The following CCBE1 variants were observed in gnomAD, a reference collection of about 807,000 sequenced individuals.
CCBE1 encodes collagen and calcium-binding EGF domain-containing protein 1.
Under a neutral mutation model 50.0 loss-of-function variants are expected in CCBE1, and 37 were observed. The observed-to-expected ratio is 0.74, with a 90% CI of 0.57 to 0.97. CCBE1 has a LOEUF of 0.97. CCBE1 is among the 50% of genes least tolerant of loss of function. CCBE1 has a pLI of 0.00. For missense variants in CCBE1, 538 were observed against 523.8 expected, an observed-to-expected ratio of 1.03 and a Z score of -0.26; for synonymous variants, 234 against 203.7, an observed-to-expected ratio of 1.15 and a Z score of -1.27.
At chr18:59,579,922 T>C (rs998278704) in intron 2 of CCBE1, among the ~76,000 whole-genome samples, 7 of 152,146 alleles carry the variant, frequency 4.6e-5, no homozygotes, top group African/African-American at 1.4e-4. Context: ...AAAAGATGCC[T>C]CTGGGATCTG....
intron 2 of CCBE1, among the ~76,000 whole-genome samples, chr18:59,527,268 T>C (rs1191071323): frequency 6.6e-6 from 1 of 152,236 alleles, no homozygotes; most frequent in African/African-American, 2.4e-5. Context: ...TGTCTTTTTT[T>C]CTTTTTTTAT....
intron 2 of CCBE1, among the ~76,000 whole-genome samples, chr18:59,540,986 G>C (rs12960196): frequency 0.068 from 10,404 of 152,244 alleles, 524 homozygotes; most frequent in East Asian, 0.16. Flanking sequence ...CCTAGAGGCA[G>C]GAAGAATCAC....
chr18:59,695,068 A>C (rs118134242), intron 2 of CCBE1, among the ~76,000 whole-genome samples: 1,569 of 152,328 alleles, frequency 0.01, 37 homozygotes, highest in Admixed American at 0.04. Context: ...TGGCATTAAC[A>C]AACAATCAGG....
At chr18:59,606,303 C>A (rs536194927) in intron 2 of CCBE1, among the ~76,000 whole-genome samples, 1 of 152,294 alleles carries the variant, frequency 6.6e-6, no homozygotes, top group South Asian at 2.1e-4. Context: ...GACACAGTGA[C>A]CCTTTCAGGG....
At chr18:59,501,716 G>A (rs991890173) in intron 2 of CCBE1, among the ~76,000 whole-genome samples, 2 of 152,144 alleles carry the variant, frequency 1.3e-5, no homozygotes, top group African/African-American at 4.8e-5. Context: ...CTGGCTGCAG[G>A]CTAGAGTCCA....
intron 2 of CCBE1, among the ~76,000 whole-genome samples, chr18:59,526,398 C>T (rs1260438325): frequency 6.6e-6 from 1 of 150,974 alleles, no homozygotes; most frequent in African/African-American, 2.4e-5. Context: ...CAACCTCCGC[C>T]TCCTGGGTTC....
chr18:59,526,624 T>C (rs1048771319), intron 2 of CCBE1, among the ~76,000 whole-genome samples: 2 of 152,178 alleles, frequency 1.3e-5, no homozygotes, highest in Admixed American at 1.3e-4. Flanking sequence ...GAGATCTTTT[T>C]AGCCTTTTGA....
Position 59,439,585 on chromosome 18 carries a change from T to A in CCBE1, c.916-7A>T. 7 of 1,614,248 alleles carry A rather than the reference T, an allele frequency of 4.3e-6. No individual in the cohort carries two copies. In the South Asian group the frequency reaches 6.6e-5, roughly 15 times the overall value. On this transcript the variant is annotated splice_polypyrimidine_tract_variant and splice_region_variant and intron_variant, in intron 8 of 10. Transcript: ENST00000439986. ...CTGGTGCCCCTGGTGGACCCTGTAA[T>A]ACAAAAGGATCTGGTTTAACCACAG...
intron 2 of CCBE1, among the ~76,000 whole-genome samples, chr18:59,681,355 A>G (rs2054586328): frequency 6.6e-6 from 1 of 152,258 alleles, no homozygotes; most frequent in Non-Finnish European, 1.5e-5. Context: ...TAAATATAAG[A>G]AACATACTAA....
intron 3 of CCBE1, among the ~76,000 whole-genome samples, chr18:59,475,832 C>A (rs756930270): frequency 6.6e-6 from 1 of 152,172 alleles, no homozygotes; most frequent in Non-Finnish European, 1.5e-5. Flanking sequence ...ATTCTCCCTG[C>A]CTCAGCCTCT....
intron 2 of CCBE1, among the ~76,000 whole-genome samples, chr18:59,632,704 C>T (rs1364107313): frequency 6.6e-6 from 1 of 152,214 alleles, no homozygotes; most frequent in African/African-American, 2.4e-5. Flanking sequence ...AGTCTCCTGC[C>T]TCGGCCTCCT....
At chr18:59,594,284 T>TA (rs2053318800) in intron 2 of CCBE1, among the ~76,000 whole-genome samples, 1 of 152,224 alleles carries the variant, frequency 6.6e-6, no homozygotes, top group Non-Finnish European at 1.5e-5. Context: ...TGCTAAATGT[T>TA]AAAAAGCATG....
chr18:59,542,781 C>G (rs1915520673), intron 2 of CCBE1, among the ~76,000 whole-genome samples: 1 of 152,162 alleles, frequency 6.6e-6, no homozygotes, highest in Admixed American at 6.5e-5. Context: ...GGCAGTAATT[C>G]TAGGTTACTC....
intron 7 of CCBE1, among the ~76,000 whole-genome samples, chr18:59,444,570 G>T (rs1408937720): frequency 1.3e-5 from 2 of 151,890 alleles, no homozygotes; most frequent in Non-Finnish European, 2.9e-5. Context: ...AGGCTGGAAT[G>T]CAGTGTTGTT....
chr18:59,687,340 C>T (rs1272372061), intron 2 of CCBE1, among the ~76,000 whole-genome samples: 4 of 152,204 alleles, frequency 2.6e-5, no homozygotes, highest in East Asian at 1.9e-4. Context: ...AGGTCATGAA[C>T]GTCCACATAA....
At chr18:59,523,014 T>A (rs112176738) in intron 2 of CCBE1, among the ~76,000 whole-genome samples, 19,622 of 109,998 alleles carry the variant, frequency 0.18, 3,369 homozygotes, top group African/African-American at 0.44. Flanking sequence ...AAAAAAAAAA[T>A]TCTCAATGTT....
chr18:59,536,367 T>C (rs1915250441), intron 2 of CCBE1, among the ~76,000 whole-genome samples: 1 of 152,176 alleles, frequency 6.6e-6, no homozygotes, highest in South Asian at 2.1e-4. Context: ...CTCTCCTTTT[T>C]CCACACCATG....
At chr18:59,548,787 C>T (rs1281428208) in intron 2 of CCBE1, among the ~76,000 whole-genome samples, 1 of 151,882 alleles carries the variant, frequency 6.6e-6, no homozygotes, top group Non-Finnish European at 1.5e-5. Context: ...GTGGCCTATG[C>T]TCTCAGGCTA....
intron 2 of CCBE1, among the ~76,000 whole-genome samples, chr18:59,607,701 A>G (rs1019368653): frequency 1.3e-5 from 2 of 152,212 alleles, no homozygotes; most frequent in East Asian, 1.9e-4. Flanking sequence ...GGACTCAACC[A>G]AGGTTCAAAT....
Sources: allele counts gnomAD v4.1 joint callset (sites outside exome capture counted in the v4.1 genomes callset), GRCh38; gene constraint gnomAD v4.1.1; transcripts MANE v1.5; gene names NCBI Gene and HGNC (gene_info 2026-07-23, HGNC 2026-07-21).